The following UACA variants were observed in gnomAD, a reference collection of about 807,000 sequenced individuals.
The protein encoded by UACA is nuclear membrane binding protein.
A neutral mutation model predicts 160.5 loss-of-function variants in UACA; 112 were observed. That is an observed-to-expected ratio of 0.70 (90% CI 0.60 to 0.82). The LOEUF is 0.82. UACA is among the 40% of genes least tolerant of loss of function. The pLI is 0.00. For synonymous variants in UACA, 557 were observed against 568.4 expected, an observed-to-expected ratio of 0.98 and a Z score of 0.29; for missense variants, 1,574 against 1,614.6, an observed-to-expected ratio of 0.97 and a Z score of 0.43.
At chr15:70,659,145 T>A (rs2140879211) in intron 18 of UACA, among the ~76,000 whole-genome samples, 1 of 152,192 alleles carries the variant, frequency 6.6e-6, no homozygotes, top group Admixed American at 6.5e-5. Context: ...TGCAATAAAC[T>A]TTAAGATTCT....
intron 1 of UACA, among the ~76,000 whole-genome samples, chr15:70,751,269 T>C (rs2030035222): frequency 6.6e-6 from 1 of 152,090 alleles, no homozygotes; most frequent in African/African-American, 2.4e-5. Flanking sequence ...GCTCAATAAA[T>C]TTTTTTCATA....
intron 1 of UACA, among the ~76,000 whole-genome samples, chr15:70,700,209 G>A (rs1215584294): frequency 6.6e-6 from 1 of 150,572 alleles, no homozygotes; most frequent in Non-Finnish European, 1.5e-5. Context: ...TAGATGCAGT[G>A]GAATTCTACA....
chr15:70,673,784 C>G (rs1303002995), intron 13 of UACA, among the ~76,000 whole-genome samples: 2 of 152,060 alleles, frequency 1.3e-5, no homozygotes, highest in African/African-American at 4.8e-5. Flanking sequence ...GACAGTTAAG[C>G]TTTTTTAAGC....
At chr15:70,688,344 A>G (rs1897804081) in intron 5 of UACA, among the ~76,000 whole-genome samples, 1 of 152,132 alleles carries the variant, frequency 6.6e-6, no homozygotes, top group African/African-American at 2.4e-5. Context: ...TTTGACTAAC[A>G]CTATAGTTCA....
chr15:70,663,771 A>C (rs998524870), intron 17 of UACA, among the ~76,000 whole-genome samples: 7 of 151,310 alleles, frequency 4.6e-5, no homozygotes, highest in Non-Finnish European at 8.8e-5. Flanking sequence ...TCGCAACGAC[A>C]AAAAACCAAA....
chr15:70,718,323 AATGTGTGTG>A (rs1898886292), intron 1 of UACA, among the ~76,000 whole-genome samples: 1 of 15,608 alleles, frequency 6.4e-5, no homozygotes, highest in Non-Finnish European at 1.7e-4. Flanking sequence ...AGAGAGAGAG[AATGTGTGTG>A]TGTGTGTGTG....
intron 16 of UACA, among the ~76,000 whole-genome samples, chr15:70,665,737 G>C (rs1025555473): frequency 1.3e-5 from 2 of 152,040 alleles, no homozygotes; most frequent in Non-Finnish European, 2.9e-5. Context: ...AACAAGCTTA[G>C]AGCATTTAAA....
intron 17 of UACA, among the ~76,000 whole-genome samples, chr15:70,664,439 T>C (rs889517096): frequency 6.6e-6 from 1 of 152,156 alleles, no homozygotes; most frequent in Non-Finnish European, 1.5e-5. Context: ...ATAAAGTTTA[T>C]AGATAAAGTA....
intron 1 of UACA, among the ~76,000 whole-genome samples, chr15:70,762,813 G>A (rs1462088083): frequency 6.6e-6 from 1 of 152,238 alleles, no homozygotes; most frequent in Non-Finnish European, 1.5e-5. Flanking sequence ...CAGCCCGGCA[G>A]GGCTTGACGC....
chr15:70,712,915 T>C (rs1898725240), intron 1 of UACA, among the ~76,000 whole-genome samples: 1 of 152,208 alleles, frequency 6.6e-6, no homozygotes, highest in Non-Finnish European at 1.5e-5. Context: ...CTTCCATATT[T>C]GCATATGCAA....
intron 1 of UACA, among the ~76,000 whole-genome samples, chr15:70,756,440 C>T (rs1427862557): frequency 6.6e-6 from 1 of 151,922 alleles, no homozygotes; most frequent in Non-Finnish European, 1.5e-5. Flanking sequence ...AGATTACAGG[C>T]ATGAGCCACT....
upstream of UACA, among the ~76,000 whole-genome samples, chr15:70,766,848 C>A (rs2031020094): frequency 6.6e-6 from 1 of 152,176 alleles, no homozygotes; most frequent in African/African-American, 2.4e-5. Context: ...CCTGCCAGAA[C>A]AGGGAAGAGA....
chr15:70,745,719 A>G (rs1899686884), intron 1 of UACA, among the ~76,000 whole-genome samples: 1 of 152,228 alleles, frequency 6.6e-6, no homozygotes, highest in African/African-American at 2.4e-5. Flanking sequence ...CTATAATATA[A>G]GGCTACAGTA....
intron 1 of UACA, among the ~76,000 whole-genome samples, chr15:70,753,849 A>G (rs1343699246): frequency 1.3e-5 from 2 of 152,238 alleles, no homozygotes; most frequent in Non-Finnish European, 2.9e-5. Flanking sequence ...TCCATCGCCC[A>G]GGCTGGAGTG....
At chr15:70,776,388 T>C in the UACA span, among the ~76,000 whole-genome samples, 1 of 151,872 alleles carries the variant, frequency 6.6e-6, no homozygotes, top group Non-Finnish European at 1.5e-5. Flanking sequence ...TCCTCGGATA[T>C]ATCCACATGA....
intron 1 of UACA, among the ~76,000 whole-genome samples, chr15:70,748,612 T>C (rs544498022): frequency 6.6e-6 from 1 of 152,292 alleles, no homozygotes. Flanking sequence ...ATTCTCTTCC[T>C]ACCTGCCCCT....
chr15:70,747,786 T>C (rs971741260), intron 1 of UACA, among the ~76,000 whole-genome samples: 2 of 152,152 alleles, frequency 1.3e-5, no homozygotes, highest in African/African-American at 4.8e-5. Flanking sequence ...TCTACTTAAA[T>C]AGTATTGACA....
chr15:70,718,273 GGGGAGAGA>G (rs1235401737), intron 1 of UACA, among the ~76,000 whole-genome samples: 1 of 147,352 alleles, frequency 6.8e-6, no homozygotes, highest in East Asian at 2.0e-4. Flanking sequence ...GGGGGAGGAG[GGGGAGAGA>G]GGGAGAGAGG....
At position 70,659,395 on chromosome 15, in the gene UACA, GTTTTTTTTTTTTTT is replaced by G. The variant is rs71152307; in HGVS notation, c.4179+742_4179+755del. On this transcript the variant is annotated intron_variant, in intron 18 of 18. Transcript: ENST00000322954. ...TCTTTCCCTTCTTCATTTTTTGTTT[GTTTTTTTTTTTTTT>G]TTTTTTTTTTTTTGCTTGTTTTTAC... 4.0e-3 allele frequency among the ~76,000 whole-genome samples: 75 copies of G among 18,842 alleles called. 1 individual carries two copies. The highest frequency in any genetic ancestry group is 0.12 in the Middle Eastern group (2 of 16). The allele number at this position is 18,842 out of a possible 152,430, so 12.4% of individuals were successfully genotyped here.
Sources: allele counts gnomAD v4.1 joint callset (sites outside exome capture counted in the v4.1 genomes callset), GRCh38; gene constraint gnomAD v4.1.1; transcripts MANE v1.5; gene names NCBI Gene and HGNC (gene_info 2026-07-23, HGNC 2026-07-21).